RIMS3: variants seen among roughly 807,000 people sequenced by gnomAD.
The protein encoded by RIMS3 is regulating synaptic membrane exocytosis 3, also known as regulating synaptic membrane exocytosis protein 3.
RIMS3 carries 15 observed loss-of-function variants against 29.2 expected under a neutral mutation model. That is an observed-to-expected ratio of 0.51 (90% CI 0.34 to 0.79). RIMS3 has a LOEUF of 0.79. RIMS3 is among the 30% of genes least tolerant of loss of function. The pLI is 0.01. For synonymous variants in RIMS3, 161 were observed against 170.1 expected, an observed-to-expected ratio of 0.95 and a Z score of 0.41; for missense variants, 342 against 421.4, an observed-to-expected ratio of 0.81 and a Z score of 1.65.
chr1:40,683,311 A>AGGTGG, the RIMS3 span, among the ~76,000 whole-genome samples: 7 of 152,232 alleles, frequency 4.6e-5, no homozygotes, highest in African/African-American at 1.7e-4. Context: ...CAACGTTGAG[A>AGGTGG]AGTGGAACAC....
At chr1:40,683,824 T>C in the RIMS3 span, among the ~76,000 whole-genome samples, 1 of 152,246 alleles carries the variant, frequency 6.6e-6, no homozygotes, top group Non-Finnish European at 1.5e-5. Context: ...AAAGGTTCTG[T>C]CCTCTGACCT....
upstream of RIMS3, among the ~76,000 whole-genome samples, chr1:40,668,271 A>T (rs1252585111): frequency 1.8e-5 from 2 of 109,418 alleles, no homozygotes; most frequent in African/African-American, 7.4e-5. Flanking sequence ...AAAAAAAAAA[A>T]TTTATCTGGG....
At chr1:40,676,650 C>T in the RIMS3 span, among the ~76,000 whole-genome samples, 2 of 152,182 alleles carry the variant, frequency 1.3e-5, no homozygotes, top group Non-Finnish European at 2.9e-5. Flanking sequence ...AAAAGTGCCA[C>T]TCCAGGAAGA....
intron 1 of RIMS3, among the ~76,000 whole-genome samples, chr1:40,663,874 C>T (rs1325947363): frequency 6.6e-6 from 1 of 152,168 alleles, no homozygotes; most frequent in East Asian, 1.9e-4. Context: ...GCTGCTGAGC[C>T]CTCCTGAGTG....
intron 7 of RIMS3, among the ~76,000 whole-genome samples, chr1:40,627,507 C>T (rs749645321): frequency 3.3e-5 from 5 of 152,214 alleles, no homozygotes; most frequent in East Asian, 1.9e-4. Flanking sequence ...GGATTACAGG[C>T]GTAAGCCACT....
At chr1:40,643,794 A>G (rs115116829) in intron 2 of RIMS3, among the ~76,000 whole-genome samples, 2,354 of 152,128 alleles carry the variant, frequency 0.015, 29 homozygotes, top group Non-Finnish European at 0.022. Context: ...ATCTTTCTAC[A>G]TGGATTTTGT....
chr1:40,653,570 G>A (rs769178213), intron 1 of RIMS3, among the ~76,000 whole-genome samples: 2 of 152,192 alleles, frequency 1.3e-5, no homozygotes, highest in African/African-American at 4.8e-5. Flanking sequence ...AAGAAAAGGG[G>A]GCTGGATGCA....
chr1:40,655,707 A>C (rs1389495592), intron 1 of RIMS3, among the ~76,000 whole-genome samples: 1 of 152,170 alleles, frequency 6.6e-6, no homozygotes, highest in African/African-American at 2.4e-5. Flanking sequence ...ATTTCTGCCA[A>C]ATCTACAGAC....
At chr1:40,653,021 G>C (rs758402331) in intron 1 of RIMS3, among the ~76,000 whole-genome samples, 10 of 152,176 alleles carry the variant, frequency 6.6e-5, no homozygotes, top group East Asian at 5.8e-4. Context: ...ATGGGGGTGA[G>C]AGGTGCCATC....
At chr1:40,679,728 G>C in the RIMS3 span, among the ~76,000 whole-genome samples, 3 of 152,204 alleles carry the variant, frequency 2.0e-5, no homozygotes, top group South Asian at 6.2e-4. Context: ...AGTCCAATCA[G>C]AATGAATCTC....
Position 40,626,697 on chromosome 1 carries a change from G to T in RIMS3, c.747C>A (p.Asp249Glu). 1 of 1,614,148 alleles carries T rather than the reference G, an allele frequency of 6.2e-7. No homozygotes were observed. Among genetic ancestry groups the T allele is most frequent in the South Asian group, 1.1e-5 (1 of 91,084 alleles). ...VIVWGDYGRM[D>E]HKCFMGMAQI... ...GGGCCATGCCCATGAAGCACTTGTG[G>T]TCCATGCGGCCATAGTCTCCCCAGA... Residue 249 changes from aspartate (D) to glutamate (E), a missense_variant, in exon 8 of 8, where the codon GAC becomes GAA. Asp to Glu is a conservative substitution (Grantham distance 45). Transcript: ENST00000372684.
At position 40,622,134 on chromosome 1, in the gene RIMS3, C is replaced by T. The variant is rs1646424910; in HGVS notation, c.*4383G>A. 1 of 152,600 alleles carries T rather than the reference C, an allele frequency of 6.6e-6. No homozygotes were observed. The highest frequency in any genetic ancestry group is 2.4e-5 in the African/African-American group (1 of 41,442). 9.5% of individuals were successfully genotyped at this position (152,600 alleles called of 1,614,324 possible). On this transcript the variant is annotated 3_prime_UTR_variant, in exon 8 of 8. Coordinates refer to ENST00000372684, the MANE Select transcript of RIMS3 (RefSeq NM_014747.3). The stretch of plus-strand genomic sequence containing the variant: ...AAGCCCTTTATCAGAGAACAAGGTC[C>T]CACCATCGGGCATGCCAACATCTGA...
chr1:40,639,562 C>T (rs561174877), intron 3 of RIMS3, among the ~76,000 whole-genome samples: 24 of 152,260 alleles, frequency 1.6e-4, no homozygotes, highest in African/African-American at 5.8e-4. Context: ...CCTTTGCATA[C>T]CCTATCTCAC....
upstream of RIMS3, chr1:40,669,736 A>T (rs1015035223): frequency 6.6e-6 from 1 of 152,252 alleles, no homozygotes; most frequent in African/African-American, 2.4e-5. Context: ...TGAATAAAGT[A>T]CACCAGGACC....
chr1:40,669,839 C>G (rs953698570), upstream of RIMS3, among the ~76,000 whole-genome samples: 1 of 152,202 alleles, frequency 6.6e-6, no homozygotes, highest in African/African-American at 2.4e-5. Context: ...CCAACCCAAC[C>G]TGCCTCCTTT....
intron 5 of RIMS3, among the ~76,000 whole-genome samples, chr1:40,630,070 CAAAAA>C (rs35370598): frequency 9.6e-6 from 1 of 103,698 alleles, no homozygotes; most frequent in Non-Finnish European, 2.0e-5. Context: ...GACTCCGTCT[CAAAAA>C]AAAAAAAAAA....
chr1:40,621,390 G>A lies in RIMS3; in HGVS notation c.*5127C>T, dbSNP rs538456024. 2 of 152,352 alleles carry A rather than the reference G, an allele frequency of 1.3e-5. No homozygotes were observed. The highest frequency in any genetic ancestry group is 2.4e-5 in the African/African-American group (1 of 41,574). The allele number at this position is 152,352 out of a possible 1,614,324, so 9.4% of individuals were successfully genotyped here. On this transcript the variant is annotated 3_prime_UTR_variant, in exon 8 of 8. Coordinates refer to ENST00000372684, the MANE Select transcript of RIMS3 (RefSeq NM_014747.3). ...GAATAAAAGAGGGAGGACAAACCAC[G>A]AAGAGAGGAAAGCAGAGTCTGTTAG...
chr1:40,644,789 G>A (rs1378443930), intron 2 of RIMS3, among the ~76,000 whole-genome samples: 1 of 152,188 alleles, frequency 6.6e-6, no homozygotes, highest in Non-Finnish European at 1.5e-5. Flanking sequence ...AGCCCACAGT[G>A]GTTTTCCTGG....
chr1:40,656,444 G>C (rs549076623), intron 1 of RIMS3, among the ~76,000 whole-genome samples: 1 of 152,284 alleles, frequency 6.6e-6, no homozygotes, highest in East Asian at 1.9e-4. Flanking sequence ...TAGCCTGAGA[G>C]CTCTCTGTTA....
Sources: allele counts gnomAD v4.1 joint callset (sites outside exome capture counted in the v4.1 genomes callset), GRCh38; gene constraint gnomAD v4.1.1; transcripts MANE v1.5; gene names NCBI Gene and HGNC (gene_info 2026-07-23, HGNC 2026-07-21).